Variants in WWOX observed in about 807,000 individuals in gnomAD.
WWOX encodes WW domain containing oxidoreductase.
A neutral mutation model predicts 46.2 loss-of-function variants in WWOX; 69 were observed. The ratio of observed to expected loss-of-function variants is 1.49; its 90% CI spans 1.23 to 1.82. The LOEUF is 1.82. WWOX is among the 40% of genes most tolerant of loss of function. The pLI is 0.00. For missense variants in WWOX, 919 were observed against 542.6 expected, an observed-to-expected ratio of 1.69 and a Z score of -6.89; for synonymous variants, 359 against 202.6, an observed-to-expected ratio of 1.77 and a Z score of -6.56.
At chr16:78,501,384 T>C (rs536236324) in intron 8 of WWOX, among the ~76,000 whole-genome samples, 2 of 152,078 alleles carry the variant, frequency 1.3e-5, no homozygotes, top group South Asian at 2.1e-4. Context: ...GCTGCAGCAG[T>C]GTCTAGGTAT....
At chr16:78,616,012 A>G (rs1291781605) in intron 8 of WWOX, among the ~76,000 whole-genome samples, 1 of 152,144 alleles carries the variant, frequency 6.6e-6, no homozygotes, top group Non-Finnish European at 1.5e-5. Context: ...GGCCTCCCAA[A>G]GTGCTGGGAT....
chr16:79,038,008 C>G (rs2047901051), intron 8 of WWOX, among the ~76,000 whole-genome samples: 2 of 152,106 alleles, frequency 1.3e-5, no homozygotes, highest in Admixed American at 6.6e-5. Flanking sequence ...TGATGGCAAC[C>G]AGGCTCCAAT....
At chr16:79,146,411 C>A (rs144203918) in intron 8 of WWOX, among the ~76,000 whole-genome samples, 69 of 152,248 alleles carry the variant, frequency 4.5e-4, no homozygotes, top group African/African-American at 1.6e-3. Context: ...CTTATATCAT[C>A]CTGTGTTGCT....
intron 6 of WWOX, among the ~76,000 whole-genome samples, chr16:78,422,663 GTATATA>G (rs569996246): frequency 0.024 from 587 of 24,406 alleles, 120 homozygotes; most frequent in Middle Eastern, 0.053. Flanking sequence ...TTTTTTACAT[GTATATA>G]TATATATATA....
At chr16:78,226,952 A>G (rs1326512902) in intron 5 of WWOX, among the ~76,000 whole-genome samples, 1 of 152,222 alleles carries the variant, frequency 6.6e-6, no homozygotes, top group Non-Finnish European at 1.5e-5. Flanking sequence ...TTCTTTTGAC[A>G]CAGCAGGCAT....
chr16:78,346,439 C>T (rs929511655), intron 5 of WWOX, among the ~76,000 whole-genome samples: 1 of 118,808 alleles, frequency 8.4e-6, no homozygotes, highest in Non-Finnish European at 2.0e-5. Flanking sequence ...CAGGGTGGTC[C>T]GTATAGGGCT....
At chr16:78,892,803 C>G (rs1399229887) in intron 8 of WWOX, among the ~76,000 whole-genome samples, 2 of 152,188 alleles carry the variant, frequency 1.3e-5, no homozygotes, top group Non-Finnish European at 2.9e-5. Flanking sequence ...TTGGACCAAC[C>G]TGCAGTTAGG....
chr16:78,988,353 TAAAAAA>T (rs35634625), intron 8 of WWOX, among the ~76,000 whole-genome samples: 13 of 132,628 alleles, frequency 9.8e-5, no homozygotes, highest in African/African-American at 3.6e-4. Flanking sequence ...TCAAAAAAAA[TAAAAAA>T]AAAAAAAAAA....
At chr16:79,155,102 G>A (rs957867674) in intron 8 of WWOX, among the ~76,000 whole-genome samples, 37 of 152,246 alleles carry the variant, frequency 2.4e-4, no homozygotes, top group African/African-American at 7.7e-4. Flanking sequence ...GGCAAGCCGG[G>A]AATGGTGGCT....
intron 8 of WWOX, among the ~76,000 whole-genome samples, chr16:78,545,294 C>T (rs1164951947): frequency 2.0e-5 from 3 of 152,162 alleles, no homozygotes; most frequent in Non-Finnish European, 2.9e-5. Flanking sequence ...CTAATCTCTG[C>T]TTCTGAGGAA....
At chr16:78,805,319 C>G (rs2051001488) in intron 8 of WWOX, among the ~76,000 whole-genome samples, 1 of 152,166 alleles carries the variant, frequency 6.6e-6, no homozygotes, top group South Asian at 2.1e-4. Flanking sequence ...GTGGCGCCAT[C>G]TCAGGATCTC....
At chr16:78,753,493 A>G (rs544763204) in intron 8 of WWOX, among the ~76,000 whole-genome samples, 4 of 152,002 alleles carry the variant, frequency 2.6e-5, no homozygotes, top group African/African-American at 9.6e-5. Flanking sequence ...GTTTTAGTGC[A>G]TTATAGCCTT....
At chr16:79,119,067 G>C (rs6564647) in intron 8 of WWOX, among the ~76,000 whole-genome samples, 12,730 of 152,058 alleles carry the variant, frequency 0.084, 889 homozygotes, top group African/African-American at 0.2. Context: ...TCAAAGGTTG[G>C]GCACATTTTT....
At chr16:79,108,296 G>GAC (rs1166096412) in intron 8 of WWOX, among the ~76,000 whole-genome samples, 2 of 152,300 alleles carry the variant, frequency 1.3e-5, no homozygotes, top group East Asian at 3.9e-4. Context: ...GTGCCTTCTT[G>GAC]ACACACACAT....
chr16:78,719,109 T>G (rs1292555309), intron 8 of WWOX, among the ~76,000 whole-genome samples: 1 of 152,158 alleles, frequency 6.6e-6, no homozygotes, highest in Non-Finnish European at 1.5e-5. Context: ...CACAACTGGT[T>G]TCAAATCCAA....
chr16:78,531,052 T>A (rs1247602146), intron 8 of WWOX, among the ~76,000 whole-genome samples: 1 of 152,242 alleles, frequency 6.6e-6, no homozygotes, highest in Non-Finnish European at 1.5e-5. Context: ...TGTCCTTGTT[T>A]TATTAATGCT....
At chr16:78,616,663 G>C (rs963490934) in intron 8 of WWOX, among the ~76,000 whole-genome samples, 1 of 152,100 alleles carries the variant, frequency 6.6e-6, no homozygotes, top group African/African-American at 2.4e-5. Flanking sequence ...CAGCCACTTG[G>C]AAGGGTGAGG....
intron 5 of WWOX, among the ~76,000 whole-genome samples, chr16:78,192,788 C>T (rs1311723614): frequency 1.3e-5 from 2 of 152,000 alleles, no homozygotes; most frequent in Non-Finnish European, 1.5e-5. Flanking sequence ...TGTTACAGGT[C>T]TAGTGCTGTT....
At chr16:79,133,763 G>T (rs1293532220) in intron 8 of WWOX, among the ~76,000 whole-genome samples, 5 of 152,174 alleles carry the variant, frequency 3.3e-5, no homozygotes, top group Admixed American at 6.5e-5. Flanking sequence ...CTGGTCAAAC[G>T]TATTACTTAA....
Sources: gnomAD v4.1 joint callset for allele counts (sites outside exome capture counted in the v4.1 genomes callset) on GRCh38, gnomAD v4.1.1 for gene constraint, MANE v1.5 for transcripts, NCBI Gene and HGNC (gene_info 2026-07-23, HGNC 2026-07-21) for gene names.